Variants in PRELID2 observed in about 807,000 individuals in gnomAD.
PRELID2 encodes PRELI domain-containing protein 2.
A neutral mutation model predicts 28.4 loss-of-function variants in PRELID2; 25 were observed. The observed-to-expected ratio is 0.88, with a 90% CI of 0.64 to 1.23. The LOEUF is 1.23. PRELID2 is among the 50% of genes most tolerant of loss of function. The pLI, the probability that PRELID2 is intolerant of heterozygous loss-of-function variation, is 0.00. For missense variants in PRELID2, 201 were observed against 214.4 expected, an observed-to-expected ratio of 0.94 and a Z score of 0.39; for synonymous variants, 76 against 71.6, an observed-to-expected ratio of 1.06 and a Z score of -0.31.
At chr5:145,654,832 C>G (rs1267638262) in intron 1 of PRELID2, among the ~76,000 whole-genome samples, 2 of 152,138 alleles carry the variant, frequency 1.3e-5, no homozygotes, top group East Asian at 1.9e-4. Flanking sequence ...CCTTTGAAAA[C>G]TGGCACAAGA....
chr5:145,413,452 C>T, the PRELID2 span, among the ~76,000 whole-genome samples: 1 of 152,088 alleles, frequency 6.6e-6, no homozygotes, highest in Admixed American at 6.6e-5. Flanking sequence ...AGTAGAACTA[C>T]CATTTGATCC....
chr5:145,800,158 C>A (rs1753033423), intron 4 of PRELID2, among the ~76,000 whole-genome samples: 2 of 152,044 alleles, frequency 1.3e-5, no homozygotes, highest in African/African-American at 4.8e-5. Flanking sequence ...AACAAACTGT[C>A]ATTTTGGTCA....
At chr5:145,629,583 T>C (rs1275764146) in intron 1 of PRELID2, among the ~76,000 whole-genome samples, 1 of 152,146 alleles carries the variant, frequency 6.6e-6, no homozygotes. Context: ...TTATAACAAG[T>C]ATGGAGGCTT....
At chr5:145,417,474 A>G in the PRELID2 span, among the ~76,000 whole-genome samples, 1 of 152,200 alleles carries the variant, frequency 6.6e-6, no homozygotes. Context: ...AATATCCTTG[A>G]TGAACCTCAA....
At chr5:145,569,116 T>G (rs1352441248) in intron 1 of PRELID2, among the ~76,000 whole-genome samples, 1 of 152,162 alleles carries the variant, frequency 6.6e-6, no homozygotes, top group Non-Finnish European at 1.5e-5. Flanking sequence ...ACCCATTGAG[T>G]GATGAAAAGT....
chr5:145,352,825 G>C, the PRELID2 span, among the ~76,000 whole-genome samples: 1 of 152,144 alleles, frequency 6.6e-6, no homozygotes, highest in Non-Finnish European at 1.5e-5. Context: ...GATCTCTAGT[G>C]AAGGGGCAAA....
chr5:145,627,568 C>A (rs1753869883), intron 1 of PRELID2, among the ~76,000 whole-genome samples: 1 of 152,196 alleles, frequency 6.6e-6, no homozygotes. Flanking sequence ...CCATACCACA[C>A]CACCGCCATT....
At chr5:145,590,647 C>A (rs992450058) in intron 1 of PRELID2, among the ~76,000 whole-genome samples, 1 of 152,150 alleles carries the variant, frequency 6.6e-6, no homozygotes, top group East Asian at 1.9e-4. Flanking sequence ...TGTTACAAAT[C>A]TAAAATGCAT....
intron 1 of PRELID2, among the ~76,000 whole-genome samples, chr5:145,480,777 T>C (rs143515180): frequency 0.013 from 1,968 of 152,326 alleles, 23 homozygotes; most frequent in Non-Finnish European, 0.019. Context: ...AAATTTGCTT[T>C]CATAAAATTT....
chr5:145,686,575 TA>T (rs1561544113), intron 1 of PRELID2, among the ~76,000 whole-genome samples: 1 of 152,130 alleles, frequency 6.6e-6, no homozygotes, highest in African/African-American at 2.4e-5. Context: ...AGAGTCCATT[TA>T]GGGTTAGTTT....
chr5:145,788,078 C>A (rs1752121443), intron 5 of PRELID2, among the ~76,000 whole-genome samples: 1 of 152,108 alleles, frequency 6.6e-6, no homozygotes, highest in African/African-American at 2.4e-5. Context: ...CTCTTTGGGT[C>A]CCTGAGGTCT....
intron 1 of PRELID2, among the ~76,000 whole-genome samples, chr5:145,750,096 TAAAAA>T (rs200248400): frequency 6.7e-6 from 1 of 149,822 alleles, no homozygotes; most frequent in Non-Finnish European, 1.5e-5. Flanking sequence ...AAAATTAAAT[TAAAAA>T]AAAAGAAAAA....
intron 1 of PRELID2, among the ~76,000 whole-genome samples, chr5:145,699,135 G>C (rs773409166): frequency 6.6e-5 from 10 of 152,154 alleles, no homozygotes; most frequent in Non-Finnish European, 1.3e-4. Flanking sequence ...GTGAAGAATA[G>C]AGTTCTAAGA....
rs1554085443 is a variant in PRELID2 at position 145,713,362 on chromosome 5, A to ATATATATG, written n.70+51568_70+51569insCATATATA. 9.3e-4 allele frequency among the ~76,000 whole-genome samples: 132 copies of ATATATATG among 142,300 alleles called. 8 individuals are homozygous for ATATATATG. The South Asian group carries it at 0.011, about 11-fold the overall frequency. The allele number at this position is 142,300 out of a possible 152,430, so 93.4% of individuals were successfully genotyped here. On this transcript the variant is annotated intron_variant and non_coding_transcript_variant, in intron 1 of 2. Coordinates refer to the PRELID2 transcript ENST00000510259. ...ATGATATCTGACTTTATATATATAT[A>ATATATATG]TATATATACTTTACATTATATATAT...
intron 1 of PRELID2, among the ~76,000 whole-genome samples, chr5:145,582,921 G>A (rs928029814): frequency 2.0e-5 from 3 of 152,000 alleles, no homozygotes; most frequent in Non-Finnish European, 2.9e-5. Context: ...GTTTAAAGGA[G>A]GGACTCCTCC....
the PRELID2 span, among the ~76,000 whole-genome samples, chr5:145,353,759 C>T: frequency 6.6e-6 from 1 of 152,090 alleles, no homozygotes; most frequent in Non-Finnish European, 1.5e-5. Context: ...TGGGTCCCTC[C>T]TGTGACACAT....
the PRELID2 span, among the ~76,000 whole-genome samples, chr5:145,286,615 C>A: frequency 2.2e-3 from 332 of 152,030 alleles, 2 homozygotes; most frequent in African/African-American, 7.7e-3. Context: ...ATCAGTAAAT[C>A]TTTAAGTGCT....
chr5:145,417,255 A>C, the PRELID2 span, among the ~76,000 whole-genome samples: 7 of 152,126 alleles, frequency 4.6e-5, no homozygotes, highest in Non-Finnish European at 4.4e-5. Flanking sequence ...GGCAGTAATA[A>C]ATAGCCTAGG....
the PRELID2 span, among the ~76,000 whole-genome samples, chr5:145,383,193 C>A: frequency 5.5e-4 from 84 of 151,536 alleles, no homozygotes; most frequent in Middle Eastern, 0.01. Context: ...CACACACATC[C>A]ATATACATGT....
Sources: allele counts gnomAD v4.1 joint callset (sites outside exome capture counted in the v4.1 genomes callset), GRCh38; gene constraint gnomAD v4.1.1; transcripts MANE v1.5; gene names NCBI Gene and HGNC (gene_info 2026-07-23, HGNC 2026-07-21).